FGF2: variants seen among roughly 807,000 people sequenced by gnomAD.
FGF2 encodes the protein basic fibroblast growth factor bFGF.
FGF2 carries 13 observed loss-of-function variants against 15.9 expected under a neutral mutation model. The ratio of observed to expected loss-of-function variants is 0.82; its 90% CI spans 0.53 to 1.30. FGF2 has a LOEUF of 1.30. FGF2 is among the 50% of genes most tolerant of loss of function. The pLI, the probability that FGF2 is intolerant of heterozygous loss-of-function variation, is 0.00. For synonymous variants in FGF2, 90 were observed against 78.4 expected, an observed-to-expected ratio of 1.15 and a Z score of -0.78; for missense variants, 163 against 196.9, an observed-to-expected ratio of 0.83 and a Z score of 1.03.
intron 1 of FGF2, among the ~76,000 whole-genome samples, chr4:122,829,297 A>G (rs1338519843): frequency 2.0e-5 from 3 of 152,176 alleles, no homozygotes; most frequent in Non-Finnish European, 4.4e-5. Flanking sequence ...CCCAGGGGAC[A>G]TTTGACAATG....
Position 122,827,701 on chromosome 4 carries a change from G to T in FGF2, c.178+349G>T, listed in dbSNP as rs959219115. ...GCGGCCCCGCCATGCAGCTCTGGCC[G>T]CTTCTATCTGCTGCGTGCTGTCCCG... On this transcript the variant is annotated intron_variant, in intron 1 of 2. Transcript: ENST00000644866. The surrounding 1 kb of genome is among the most constrained non-coding windows in gnomAD (Gnocchi z 4.2). Among the ~76,000 whole-genome samples, 7 of 152,210 alleles carry T rather than the reference G, an allele frequency of 4.6e-5. No homozygotes were observed. Among genetic ancestry groups the T allele is most frequent in the Admixed American group, 2.0e-4 (3 of 15,290 alleles).
chr4:122,828,699 A>G lies in FGF2; in HGVS notation c.178+1347A>G, dbSNP rs567502369. Among the ~76,000 whole-genome samples the G allele has an allele frequency of 6.8e-4, 103 of 152,354 alleles. 1 individual carries two copies. Among genetic ancestry groups the G allele is most frequent in the Admixed American group, 1.4e-3 (21 of 15,310 alleles). ...TGCTTCCAAAATAGCAACCTGCAAG[A>G]GAGGCAAGTATTTAATTTTTTTCAG... On this transcript the variant is annotated intron_variant, in intron 1 of 2. Transcript: ENST00000644866.
intron 2 of FGF2, among the ~76,000 whole-genome samples, chr4:122,890,331 G>C (rs760024137): frequency 1.2e-4 from 18 of 152,152 alleles, no homozygotes; most frequent in Non-Finnish European, 2.1e-4. Context: ...GCTGGGTCCT[G>C]TCAATGTGTG....
chr4:122,893,372 G>C lies in FGF2; in HGVS notation c.*976G>C. The C allele has an allele frequency of 1.5e-6, 1 of 685,524 alleles. No individual in the cohort carries two copies. The highest frequency in any genetic ancestry group is 2.2e-6 in the Non-Finnish European group (1 of 455,454). The allele number at this position is 685,524 out of a possible 1,614,324, so 42.5% of individuals were successfully genotyped here. A position where few individuals can be genotyped will look rare whatever the true frequency, so the allele number is the denominator to read the frequency against. ...GTTTTCAATACAAATTCTTTGCCTT[G>C]TGGATATCAAGAAATCCCAAAATAT... On this transcript the variant is annotated 3_prime_UTR_variant, in exon 3 of 3. Transcript: ENST00000644866.
intron 2 of FGF2, among the ~76,000 whole-genome samples, chr4:122,880,560 C>A (rs1726942154): frequency 6.6e-6 from 1 of 152,102 alleles, no homozygotes; most frequent in African/African-American, 2.4e-5. Flanking sequence ...GCAGTCAAAT[C>A]TTAAAGCTCC....
chr4:122,830,645 G>A (rs1725744605), intron 1 of FGF2, among the ~76,000 whole-genome samples: 1 of 151,988 alleles, frequency 6.6e-6, no homozygotes, highest in Non-Finnish European at 1.5e-5. Context: ...AATGCGGTGG[G>A]AATGGATAAT....
Position 122,896,095 on chromosome 4 carries a change from C to G in FGF2, c.*3699C>G, listed in dbSNP as rs1727341664. ...TAAGCTTAGGAAGTATGGCTAATGC[C>G]AACGGCAGTTTTTTTCTTCTTAATT... On this transcript the variant is annotated 3_prime_UTR_variant, in exon 3 of 3. Transcript: ENST00000644866. 1 of 152,418 alleles carries G rather than the reference C, an allele frequency of 6.6e-6. No homozygotes were observed. 9.4% of individuals were successfully genotyped at this position (152,418 alleles called of 1,614,324 possible). A position where few individuals can be genotyped will look rare whatever the true frequency, so the allele number is the denominator to read the frequency against.
intron 1 of FGF2, among the ~76,000 whole-genome samples, chr4:122,856,748 G>C (rs1268308737): frequency 6.6e-6 from 1 of 152,116 alleles, no homozygotes; most frequent in Non-Finnish European, 1.5e-5. Flanking sequence ...TGAAACAGTA[G>C]TACAGTATCA....
At chr4:122,853,508 G>T (rs1726277004) in intron 1 of FGF2, among the ~76,000 whole-genome samples, 1 of 152,156 alleles carries the variant, frequency 6.6e-6, no homozygotes, top group Admixed American at 6.6e-5. Context: ...AGGAGGAAGG[G>T]ATTTTGTTGT....
At chr4:122,851,881 G>A (rs1472176160) in intron 1 of FGF2, among the ~76,000 whole-genome samples, 3 of 152,140 alleles carry the variant, frequency 2.0e-5, no homozygotes, top group Admixed American at 2.0e-4. Context: ...TCTTGGGTAA[G>A]TTAATTTATT....
chr4:122,859,998 G>A (rs1726428384), intron 1 of FGF2, among the ~76,000 whole-genome samples: 1 of 152,100 alleles, frequency 6.6e-6, no homozygotes, highest in African/African-American at 2.4e-5. Flanking sequence ...TCTGCATTTG[G>A]TTTCTAACTC....
chr4:122,892,096 AC>A, intron 2 of FGF2, 114 bp from the exon 3 acceptor site: 1 of 928,032 alleles, frequency 1.1e-6, no homozygotes, highest in South Asian at 1.6e-5. Flanking sequence ...GCTGAACCCA[AC>A]ATCACTGCTG....
At chr4:122,855,491 C>A (rs973160484) in intron 1 of FGF2, among the ~76,000 whole-genome samples, 1 of 152,198 alleles carries the variant, frequency 6.6e-6, no homozygotes, top group Non-Finnish European at 1.5e-5. Context: ...CCAACCCTGA[C>A]TGAAGGTCTG....
chr4:122,873,001 G>A (rs752332506), intron 1 of FGF2, among the ~76,000 whole-genome samples: 5 of 152,158 alleles, frequency 3.3e-5, no homozygotes, highest in African/African-American at 1.2e-4. Flanking sequence ...GCAGCATGAC[G>A]ACAGAATCAA....
chr4:122,841,650 C>T (rs1725986200), intron 1 of FGF2, among the ~76,000 whole-genome samples: 1 of 152,190 alleles, frequency 6.6e-6, no homozygotes, highest in African/African-American at 2.4e-5. Context: ...TTTTAATAGA[C>T]AGCTGATCCT....
At chr4:122,889,428 G>T (rs1384183119) in intron 2 of FGF2, among the ~76,000 whole-genome samples, 2 of 152,044 alleles carry the variant, frequency 1.3e-5, no homozygotes, top group Non-Finnish European at 2.9e-5. Context: ...TGTTTATAAA[G>T]ATTAATAAAA....
At chr4:122,889,263 GC>G (rs1459421339) in intron 2 of FGF2, among the ~76,000 whole-genome samples, 3 of 152,056 alleles carry the variant, frequency 2.0e-5, no homozygotes, top group African/African-American at 7.2e-5. Flanking sequence ...CAGCTCTTAG[GC>G]CTATATAAAA....
chr4:122,877,532 G>C (rs143035544), intron 2 of FGF2, among the ~76,000 whole-genome samples: 14 of 152,310 alleles, frequency 9.2e-5, no homozygotes, highest in Middle Eastern at 6.8e-3. Context: ...TATTAGAAAC[G>C]GGACTGCATA....
In FGF2 at chr4:122,896,621, G is replaced by C. The variant is rs1334826782; in HGVS notation, c.*4225G>C. 1 of 152,026 alleles carries C rather than the reference G, an allele frequency of 6.6e-6. No individual in the cohort carries two copies. The highest frequency in any genetic ancestry group is 1.5e-5 in the Non-Finnish European group (1 of 68,002). The allele number at this position is 152,026 out of a possible 1,614,324, so 9.4% of individuals were successfully genotyped here. On this transcript the variant is annotated 3_prime_UTR_variant, in exon 3 of 3. Coordinates refer to ENST00000644866, the MANE Select transcript of FGF2 (RefSeq NM_001361665.2). ...AGAATAAGCATAAACTAAGCAAAAG[G>C]TCAATAAGTACCTGAAACCAAGATT...
Sources: allele counts gnomAD v4.1 joint callset (sites outside exome capture counted in the v4.1 genomes callset), GRCh38; gene constraint gnomAD v4.1.1; non-coding constraint Gnocchi (gnomAD v3.1); transcripts MANE v1.5; gene names NCBI Gene and HGNC (gene_info 2026-07-23, HGNC 2026-07-21).